Variants in TBX10 observed in about 807,000 individuals in gnomAD.
TBX10 encodes the protein T-box transcription factor TBX10.
TBX10 carries 26 observed loss-of-function variants against 32.4 expected under a neutral mutation model. The observed-to-expected ratio is 0.80, with a 90% confidence interval of 0.59 to 1.11. TBX10 has a LOEUF of 1.11. TBX10 is among the 50% of genes most tolerant of loss of function. TBX10 has a pLI of 0.00. For missense variants in TBX10, 490 were observed against 494.5 expected (o/e 0.99, Z 0.09); for synonymous variants, 195 against 203.1 (o/e 0.96, Z 0.34).
chr11:67,634,659 C>CAACCAG (rs1855295335), intron 3 of TBX10, among the ~76,000 whole-genome samples, 157 bp downstream of exon 3: 3 of 152,202 alleles, frequency 2.0e-5, no homozygotes, highest in Non-Finnish European at 4.4e-5. Context: ...GCCTCCTGCC[C>CAACCAG]TCAGGCTGTT....
chr11:67,640,998 C>A (rs1230576993), upstream of TBX10, among the ~76,000 whole-genome samples: 1 of 152,130 alleles, frequency 6.6e-6, no homozygotes. Context: ...GAAAAGGCTG[C>A]CAGCACTTTG....
Position 67,639,659 on chromosome 11 carries a change from G to A in TBX10, c.-187C>T. ...CTCGATCGCCCTTCGTCCACGTCCT[G>A]AGGTCGTGGTCTTCCTACTCGAGCT... On this transcript the variant is annotated 5_prime_UTR_variant, in exon 1 of 8. Transcript: ENST00000335385. 1 of 756,088 alleles carries A rather than the reference G, an allele frequency of 1.3e-6. No individual in the cohort carries two copies. The highest frequency in any genetic ancestry group is 2.2e-6 in the Non-Finnish European group (1 of 445,758). The allele number at this position is 756,088 out of a possible 1,614,324, so 46.8% of individuals were successfully genotyped here.
At position 67,634,324 on chromosome 11, in the gene TBX10, GC is replaced by G. The variant is rs1565234101; in HGVS notation, c.413del (p.Gly138AlafsTer36). ...AFHSSAWLVA[G>X]KADPATPGRV... ...GGCCAGGTGTGGCTGGGTCTGCCTT[GC>G]CCGCCACCAGCCAGGCCGAGCTGTG... On this transcript the variant is annotated frameshift_variant, in exon 4 of 8. Coordinates refer to ENST00000335385, the MANE Select transcript of TBX10 (RefSeq NM_005995.5). LOFTEE classifies it high-confidence loss of function. 2 of 1,607,294 alleles carry G rather than the reference GC, an allele frequency of 1.2e-6. No individual in the cohort carries two copies. The highest frequency in any genetic ancestry group is 1.1e-5 in the South Asian group (1 of 91,082).
chr11:67,639,221 C>A (rs1246353030), intron 1 of TBX10, among the ~76,000 whole-genome samples: 1 of 152,198 alleles, frequency 6.6e-6, no homozygotes, highest in Non-Finnish European at 1.5e-5. Flanking sequence ...GGCCCGAGGT[C>A]ACACGTGCCC....
At chr11:67,633,947 C>G (rs7102811) in intron 4 of TBX10, among the ~76,000 whole-genome samples, 3 of 152,194 alleles carry the variant, frequency 2.0e-5, no homozygotes, top group Admixed American at 2.0e-4. Context: ...CTTGTCCTCC[C>G]TCTCCTTGCG....
chr11:67,634,886 G>A lies in TBX10; in HGVS notation c.307C>T (p.Leu103=). 1 of 1,613,458 alleles carries A rather than the reference G, an allele frequency of 6.2e-7. No homozygotes were observed. Among genetic ancestry groups the A allele is most frequent in the Middle Eastern group, 1.6e-4 (1 of 6,062 alleles). The part of the protein sequence containing the change: ...RMFPPFQVKI[L]GMDSLADYAL... ...TAGTCGGCCAGGGAGTCCATGCCCAGGATCTTCACCTGGAAGGGGGGGAAC... is the reference window on the plus strand; with the variant it reads ...TAGTCGGCCAGGGAGTCCATGCCCAAGATCTTCACCTGGAAGGGGGGGAAC... Residue 103 remains leucine, a synonymous_variant, in exon 3 of 8, where the codon CTG becomes TTG. Transcript: ENST00000335385.
rs140320420 is a variant in TBX10, at chr11:67,635,089, C to T, written c.182G>A (p.Arg61His). 92 of 1,613,864 alleles carry T rather than the reference C, an allele frequency of 5.7e-5. 1 individual carries two copies. The highest frequency in any genetic ancestry group is 3.3e-4 in the East Asian group (15 of 44,892). Residue 61 changes from arginine to histidine, a missense_variant, in exon 2 of 8, where the codon CGT becomes CAT. Physicochemically the swap from Arg to His is conservative, Grantham distance 29. Transcript: ENST00000335385. ...CAGCTGAACTGTCACTCTGGACACACGTGGGTTCTTGGGGCCCTGCCCAGT... is the reference window on the plus strand; with the variant it reads ...CAGCTGAACTGTCACTCTGGACACATGTGGGTTCTTGGGGCCCTGCCCAGT... ...EPTGQGPKNPRVSRVTVQLEM... is the reference protein window; with the variant it reads ...EPTGQGPKNPHVSRVTVQLEM...
At chr11:67,634,142 AGCCCTGACCCCAG>A in intron 4 of TBX10, 34 bp downstream of exon 4, 1 of 1,606,384 alleles carries the variant, frequency 6.2e-7, no homozygotes, top group Non-Finnish European at 8.5e-7. Context: ...AGTCCCTACC[AGCCCTGACCCCAG>A]GCCCTTCCGT....
Position 67,631,508 on chromosome 11 carries a change from G to T in TBX10, c.*97C>A, listed in dbSNP as rs1855230083. On this transcript the variant is annotated 3_prime_UTR_variant, in exon 8 of 8. Coordinates refer to ENST00000335385, the MANE Select transcript of TBX10 (RefSeq NM_005995.5). Reference sequence around the variant, plus strand: ...GACTTTCACCTACCCTGCTCTCCTTGAGACAGAGATGGGGCTGGAGGGGGC... The same window carrying T: ...GACTTTCACCTACCCTGCTCTCCTTTAGACAGAGATGGGGCTGGAGGGGGC... 6.8e-7 allele frequency: 1 copy of T among 1,466,940 alleles called. No individual in the cohort carries two copies. The highest frequency in any genetic ancestry group is 9.2e-7 in the Non-Finnish European group (1 of 1,086,012). 90.9% of individuals were successfully genotyped at this position (1,466,940 alleles called of 1,614,324 possible).
At chr11:67,636,053 A>G (rs947547327) in intron 1 of TBX10, among the ~76,000 whole-genome samples, 3 of 149,214 alleles carry the variant, frequency 2.0e-5, no homozygotes, top group Non-Finnish European at 4.4e-5. Flanking sequence ...GTTGGTAAGG[A>G]GATGGAAAAA....
At chr11:67,632,791 C>A in intron 5 of TBX10, 121 bp from the exon 6 acceptor site, 1 of 1,545,158 alleles carries the variant, frequency 6.5e-7, no homozygotes, top group Middle Eastern at 2.0e-4. Flanking sequence ...GAACTCTGAG[C>A]TGATAGGAGT....
chr11:67,639,413 C>CT, intron 1 of TBX10, 53 bp downstream of exon 1: 1 of 1,593,702 alleles, frequency 6.3e-7, no homozygotes, highest in South Asian at 1.1e-5. Flanking sequence ...CCCACCCACC[C>CT]TGGAACCTGA....
At chr11:67,640,224 G>GT (rs1855386298), upstream of TBX10, among the ~76,000 whole-genome samples, 1 of 152,254 alleles carries the variant, frequency 6.6e-6, no homozygotes. Flanking sequence ...CCTGTGGCAC[G>GT]TGAACCCACA....
intron 3 of TBX10, 55 bp downstream of exon 3, chr11:67,634,761 A>T (rs1194838776): frequency 7.5e-5 from 118 of 1,568,970 alleles, no homozygotes; most frequent in Non-Finnish European, 1.0e-4. Flanking sequence ...GAAGGGTCTA[A>T]TTCCTGGTCT....
rs1855232609 is a variant in TBX10, at chr11:67,631,595, GCTTCTGGCATCACTGGGAGTCC to G, written c.1146_*9del. ...CAGGGTAGCAGGGCTTCCCCCCAGG[GCTTCTGGCATCACTGGGAGTCC>G]TGGCCAGGCCCCAGGCACACCACAG... On this transcript the variant is annotated stop_lost and 3_prime_UTR_variant, in exon 8 of 8. Transcript: ENST00000335385. The G allele has an allele frequency of 6.3e-7, 1 of 1,588,830 alleles. No homozygotes were observed. The highest frequency in any genetic ancestry group is 8.5e-7 in the Non-Finnish European group (1 of 1,173,360).
At chr11:67,636,672 A>C (rs1288124474) in intron 1 of TBX10, among the ~76,000 whole-genome samples, 1 of 151,054 alleles carries the variant, frequency 6.6e-6, no homozygotes, top group Admixed American at 6.6e-5. Flanking sequence ...TAATTTTTGT[A>C]TTTTTATTAG....
chr11:67,636,734 G>A (rs1261143624), intron 1 of TBX10, among the ~76,000 whole-genome samples: 1 of 151,940 alleles, frequency 6.6e-6, no homozygotes, highest in East Asian at 1.9e-4. Context: ...CTGACCTCAG[G>A]TGATTTGCCC....
chr11:67,635,516 A>G (rs1023008465), intron 1 of TBX10, among the ~76,000 whole-genome samples: 4 of 152,118 alleles, frequency 2.6e-5, no homozygotes, highest in African/African-American at 9.7e-5. Flanking sequence ...TCTTGTGTCT[A>G]TGTGGCCTCA....
intron 1 of TBX10, among the ~76,000 whole-genome samples, chr11:67,636,109 C>T (rs187950293): frequency 7.2e-4 from 92 of 127,960 alleles, no homozygotes; most frequent in Non-Finnish European, 1.0e-3. Context: ...GGCAGGGTCT[C>T]ACTCTGTTTC....
Sources: gnomAD v4.1 joint callset for allele counts (sites outside exome capture counted in the v4.1 genomes callset) on GRCh38, gnomAD v4.1.1 for gene constraint, MANE v1.5 for transcripts, NCBI Gene and HGNC (gene_info 2026-07-23, HGNC 2026-07-21) for gene names.